The following COMMD5 variants were observed in gnomAD, a reference collection of about 807,000 sequenced individuals.
The protein encoded by COMMD5 is COMM domain-containing protein 5.
In COMMD5, 10 loss-of-function variants were observed where a neutral mutation model predicts 6.9. The ratio of observed to expected loss-of-function variants is 1.44; its 90% CI spans 0.89 to 2.45. The LOEUF (loss-of-function observed/expected upper bound fraction) is 2.45, where lower values mean the gene tolerates loss of function less well. Among genes scored for constraint, COMMD5 ranks in the 30% most tolerant of loss-of-function variants. COMMD5 has a pLI of 0.00. For synonymous variants in COMMD5, 127 were observed against 125.3 expected (o/e 1.01, Z -0.09); for missense variants, 234 against 287.8 (o/e 0.81, Z 1.35).
At chr8:144,838,159 A>C (rs184168612), downstream of COMMD5, 5 of 702,204 alleles carry the variant, frequency 7.1e-6, no homozygotes, top group African/African-American at 1.7e-5. Context: ...TGCGTCCCTC[A>C]CTCTGATCTC....
At chr8:144,844,845 T>C (rs1409712732) in intron 1 of COMMD5, among the ~76,000 whole-genome samples, 1 of 149,198 alleles carries the variant, frequency 6.7e-6, no homozygotes, top group Non-Finnish European at 1.5e-5. Context: ...GAAAAGATGG[T>C]TGAGTGAAGA....
rs573529871 is a variant in COMMD5, at chr8:144,843,400, T to C, written c.*117-1657A>G. 191 of 434,084 alleles carry C rather than the reference T, an allele frequency of 4.4e-4. 1 individual carries two copies. In the East Asian group the frequency reaches 4.5e-3, roughly 10 times the overall value. The allele number at this position is 434,084 out of a possible 1,614,324, so 26.9% of individuals were successfully genotyped here. ...GTCAGGAGGTTGAGACCATCCTGGGTAACAGGTGAAACCCCATCTCTACTA... is the reference window on the plus strand; with the variant it reads ...GTCAGGAGGTTGAGACCATCCTGGGCAACAGGTGAAACCCCATCTCTACTA... On this transcript the variant is annotated intron_variant and NMD_transcript_variant, in intron 1 of 1. Transcript: ENST00000530332.
At chr8:144,838,447 C>T (rs145479324), downstream of COMMD5, 1,643 of 379,288 alleles carry the variant, frequency 4.3e-3, 24 homozygotes, top group African/African-American at 0.031. Flanking sequence ...TGCTCCCCTG[C>T]TTAGCCGGTG....
chr8:144,843,230 A>C, intron 1 of COMMD5: 1 of 1,486,688 alleles, frequency 6.7e-7, no homozygotes, highest in Non-Finnish European at 9.0e-7. Context: ...TACTTATTTT[A>C]TATGGAATCG....
Position 144,841,481 on chromosome 8 carries a change from T to C in COMMD5, c.*379A>G. 6.2e-7 allele frequency: 1 copy of C among 1,614,186 alleles called. No individual in the cohort carries two copies. The stretch of plus-strand genomic sequence containing the variant: ...CCTCAGAATCCTGGCTTTGGAGACG[T>C]TTCTGATTCTGAGGTCTGGTTAGAC... On this transcript the variant is annotated 3_prime_UTR_variant and NMD_transcript_variant, in exon 2 of 2. Coordinates refer to the COMMD5 transcript ENST00000530332.
chr8:144,845,838 C>T (rs1305457444), downstream of COMMD5: 1 of 772,718 alleles, frequency 1.3e-6, no homozygotes, highest in Non-Finnish European at 2.0e-6. Flanking sequence ...ACCGGAACTT[C>T]TGTGCACGTG....
Position 144,851,135 on chromosome 8 carries a change from C to T in COMMD5, c.204G>A (p.Val68=). The change falls in exon 2 of 2, where the codon GTG becomes GTA. Residue 68 remains valine, a synonymous_variant. Transcript: ENST00000305103. ...SLQGEDCREA[V]QRLGVSANLP... ...GGTTGGCGCTGACCCCAAGACGCTG[C>T]ACAGCCTCTCGGCAGTCCTCCCCCT... 1.2e-6 allele frequency: 2 copies of T among 1,613,090 alleles called. No homozygotes were observed. The highest frequency in any genetic ancestry group is 1.7e-6 in the Non-Finnish European group (2 of 1,180,000).
chr8:144,842,648 AC>A, intron 1 of COMMD5: 1 of 1,614,176 alleles, frequency 6.2e-7, no homozygotes, highest in Non-Finnish European at 8.5e-7. Flanking sequence ...AGCCTTATTT[AC>A]CATCAGAGAA....
downstream of COMMD5, chr8:144,847,249 A>C (rs1030827939): frequency 6.6e-6 from 1 of 152,164 alleles, no homozygotes; most frequent in Non-Finnish European, 1.5e-5. Flanking sequence ...TAACCTGTTC[A>C]CACTGCACTG....
At chr8:144,845,881 C>T (rs766837653), downstream of COMMD5, 115 of 1,231,312 alleles carry the variant, frequency 9.3e-5, no homozygotes, top group Admixed American at 3.0e-4. Context: ...CCTTGCGTCA[C>T]GTGGCTGCTG....
downstream of COMMD5, chr8:144,838,085 C>T (rs759851454): frequency 1.3e-5 from 9 of 702,872 alleles, no homozygotes; most frequent in East Asian, 8.0e-5. Flanking sequence ...AGGGAAGGAT[C>T]CTGTCCTGCC....
At chr8:144,848,035 C>T (rs141270991), downstream of COMMD5, among the ~76,000 whole-genome samples, 1 of 152,250 alleles carries the variant, frequency 6.6e-6, no homozygotes, top group East Asian at 1.9e-4. Flanking sequence ...GAAAAAAATA[C>T]TTTGTGACAC....
intron 1 of COMMD5, chr8:144,843,291 A>C: frequency 4.8e-5 from 59 of 1,241,960 alleles, no homozygotes; most frequent in Non-Finnish European, 5.9e-5. Flanking sequence ...AATTGCTCTC[A>C]AGAATATCCA....
rs746313488 is a variant in COMMD5, at chr8:144,851,131, G to T, written c.208C>A (p.Arg70Ser). The change falls in exon 2 of 2, where the codon CGT becomes AGT. Residue 70 changes from arginine to serine, a missense_variant. Physicochemically the swap from Arg to Ser is moderately radical, Grantham distance 110 (BLOSUM62 -1). Transcript: ENST00000305103. The part of the protein sequence containing the change: ...QGEDCREAVQ[R>S]LGVSANLPEE... ...GGCAGGTTGGCGCTGACCCCAAGAC[G>T]CTGCACAGCCTCTCGGCAGTCCTCC... 7 of 1,612,890 alleles carry T rather than the reference G, an allele frequency of 4.3e-6. No individual in the cohort carries two copies.
chr8:144,850,463 G>T lies in COMMD5; in HGVS notation c.*201C>A. The T allele has an allele frequency of 1.6e-6, 1 of 619,722 alleles. No homozygotes were observed. Among genetic ancestry groups the T allele is most frequent in the Non-Finnish European group, 2.7e-6 (1 of 364,944 alleles). 38.4% of individuals were successfully genotyped at this position (619,722 alleles called of 1,614,324 possible). On this transcript the variant is annotated 3_prime_UTR_variant, in exon 2 of 2. Transcript: ENST00000305103. The surrounding 1 kb of genome is among the most constrained non-coding windows in gnomAD (Gnocchi z 4.0). ...ACTCACCTATAGAAACATGTTTTTAGCTGCTTTACTTCCAAAAAGAAAAAA... is the reference window on the plus strand; with the variant it reads ...ACTCACCTATAGAAACATGTTTTTATCTGCTTTACTTCCAAAAAGAAAAAA...
exon 2 of COMMD5, chr8:144,841,538 C>A: frequency 6.2e-7 from 1 of 1,614,172 alleles, no homozygotes. Context: ...CTGAAAGTGA[C>A]AGGCTTTACC....
chr8:144,842,468 C>G, intron 1 of COMMD5: 1 of 1,614,118 alleles, frequency 6.2e-7, no homozygotes, highest in South Asian at 1.1e-5. Context: ...GGTTGTAGTT[C>G]ACGGCTTATT....
At chr8:144,845,018 G>A (rs1422504408) in intron 1 of COMMD5, among the ~76,000 whole-genome samples, 1 of 152,108 alleles carries the variant, frequency 6.6e-6, no homozygotes, top group Non-Finnish European at 1.5e-5. Flanking sequence ...GGACAGATGG[G>A]AGGAGAAACA....
chr8:144,849,095 G>A (rs1326698595), downstream of COMMD5, among the ~76,000 whole-genome samples: 35 of 152,216 alleles, frequency 2.3e-4, no homozygotes, highest in Admixed American at 2.3e-3. Context: ...AGAAGCAGAA[G>A]GATGGGGCTG....
Sources: allele counts gnomAD v4.1 joint callset (sites outside exome capture counted in the v4.1 genomes callset), GRCh38; gene constraint gnomAD v4.1.1; non-coding constraint Gnocchi (gnomAD v3.1); transcripts MANE v1.5; gene names NCBI Gene and HGNC (gene_info 2026-07-23, HGNC 2026-07-21).